PTPRK: variants seen among roughly 807,000 people sequenced by gnomAD.
PTPRK encodes the protein receptor-type tyrosine-protein phosphatase kappa.
A neutral mutation model predicts 178.0 loss-of-function variants in PTPRK; 75 were observed. The ratio of observed to expected loss-of-function variants is 0.42; its 90% confidence interval spans 0.35 to 0.51. The LOEUF (loss-of-function observed/expected upper bound fraction) is 0.51. Ranked by LOEUF, PTPRK falls within the 20% of genes least tolerant of loss-of-function variation. The probability of loss-of-function intolerance (pLI) is 0.02; values close to 1 mark genes in which losing one functional copy is unlikely to be tolerated. For missense variants in PTPRK, 1,441 were observed against 1,797.8 expected (o/e 0.80, Z 3.59); for synonymous variants, 637 against 620.6 (o/e 1.03, Z -0.39).
intron 14 of PTPRK, among the ~76,000 whole-genome samples, chr6:128,008,886 C>T (rs370858780): frequency 1.1e-4 from 17 of 151,116 alleles, no homozygotes; most frequent in South Asian, 4.2e-4. Context: ...CATTTAAATT[C>T]GGATATTAAT....
intron 3 of PTPRK, among the ~76,000 whole-genome samples, chr6:128,309,536 A>T (rs1050703472): frequency 5.3e-5 from 8 of 152,180 alleles, no homozygotes; most frequent in Non-Finnish European, 8.8e-5. Context: ...GGTAGCTGCT[A>T]CATAAAGCAG....
intron 5 of PTPRK, among the ~76,000 whole-genome samples, chr6:128,227,049 G>A (rs1417919452): frequency 6.6e-6 from 1 of 151,970 alleles, no homozygotes; most frequent in Non-Finnish European, 1.5e-5. Context: ...CAGCAGTAGA[G>A]GCATGTAAAA....
intron 7 of PTPRK, among the ~76,000 whole-genome samples, chr6:128,168,364 G>A (rs1431618793): frequency 6.6e-6 from 1 of 152,006 alleles, no homozygotes; most frequent in East Asian, 1.9e-4. Flanking sequence ...GCATTGAGGT[G>A]CTACAAAAAA....
intron 1 of PTPRK, among the ~76,000 whole-genome samples, chr6:128,406,167 T>G (rs777055592): frequency 6.6e-6 from 1 of 151,920 alleles, no homozygotes; most frequent in Non-Finnish European, 1.5e-5. Context: ...AGAGGCTGAT[T>G]ACTTGAGCCT....
intron 7 of PTPRK, among the ~76,000 whole-genome samples, chr6:128,173,988 T>G (rs1800680290): frequency 6.6e-6 from 1 of 152,012 alleles, no homozygotes; most frequent in Non-Finnish European, 1.5e-5. Flanking sequence ...AGAATTAAGA[T>G]GAACTGATGG....
chr6:128,362,272 A>G (rs1191730115), intron 2 of PTPRK, among the ~76,000 whole-genome samples: 1 of 152,058 alleles, frequency 6.6e-6, no homozygotes, highest in Admixed American at 6.6e-5. Flanking sequence ...CATATTTTTA[A>G]ACTCTCTTAC....
intron 13 of PTPRK, among the ~76,000 whole-genome samples, chr6:128,030,360 A>G (rs1464710347): frequency 6.6e-6 from 1 of 152,198 alleles, no homozygotes. Flanking sequence ...TTAAAAAAAT[A>G]TAAAGCAGCA....
At position 128,089,806 on chromosome 6, in the gene PTPRK, G is replaced by C; in HGVS notation, c.1349C>G (p.Pro450Arg). ...ADCLDMDPKA[P>R]QHVVNHLPPY... The stretch of plus-strand genomic sequence containing the variant: ...TGGCAGATGGTTCACAACATGCTGA[G>C]GGGCTTTGGGGTCCATGTCCAAACA... The change falls in exon 8 of 30, where the codon CCT (proline) becomes CGT (arginine). Residue 450 changes from proline to arginine, a missense_variant. By Grantham distance (103) the Pro-to-Arg change is moderately radical. Around this residue, in one of 4 missense-constraint regions of PTPRK, gnomAD observed 945 missense variants for 1,080.6 expected, o/e 0.87. Transcript: ENST00000368226. 1 of 1,613,984 alleles carries C rather than the reference G, an allele frequency of 6.2e-7. No homozygotes were observed. The highest frequency in any genetic ancestry group is 8.5e-7 in the Non-Finnish European group (1 of 1,179,854).
chr6:128,454,045 C>A (rs571316927), intron 1 of PTPRK, among the ~76,000 whole-genome samples: 1 of 152,206 alleles, frequency 6.6e-6, no homozygotes, highest in East Asian at 1.9e-4. Context: ...ATTTTGCAGC[C>A]CTTAATGGAA....
chr6:128,484,276 T>G lies in PTPRK; in HGVS notation c.100+35983A>C, dbSNP rs147069811. ...CCTATGTTTTCTCAAAAATATAGGT[T>G]TCAGTACCACCAACCCTTCTTTTTA... On this transcript the variant is annotated intron_variant, in intron 1 of 29. Transcript: ENST00000368226. 3.9e-4 allele frequency among the ~76,000 whole-genome samples: 60 copies of G among 152,280 alleles called. No individual in the cohort carries two copies. The East Asian group carries it at 0.011, about 27-fold the overall frequency.
chr6:128,491,822 CAA>C, intron 1 of PTPRK: 1 of 516,630 alleles, frequency 1.9e-6, no homozygotes, highest in Non-Finnish European at 3.9e-6. Context: ...ACAACAGCAG[CAA>C]AAGTTACCGA....
At chr6:128,354,495 A>C (rs1833700085) in intron 2 of PTPRK, among the ~76,000 whole-genome samples, 2 of 151,940 alleles carry the variant, frequency 1.3e-5, no homozygotes, top group Non-Finnish European at 2.9e-5. Context: ...TCGGCCTCCC[A>C]AAGTGCTGGG....
intron 5 of PTPRK, among the ~76,000 whole-genome samples, chr6:128,226,776 A>ATATATATATG: frequency 7.6e-6 from 1 of 130,848 alleles, no homozygotes; most frequent in African/African-American, 3.6e-5. Context: ...ATATATATAT[A>ATATATATATG]TATATATATA....
At chr6:128,117,923 A>T (rs1435258759) in intron 7 of PTPRK, among the ~76,000 whole-genome samples, 1 of 152,180 alleles carries the variant, frequency 6.6e-6, no homozygotes, top group Non-Finnish European at 1.5e-5. Context: ...TGTTGGGGTT[A>T]CAGGCTTCAG....
chr6:128,183,038 G>A (rs780971479), intron 7 of PTPRK, among the ~76,000 whole-genome samples: 1 of 152,154 alleles, frequency 6.6e-6, no homozygotes, highest in Non-Finnish European at 1.5e-5. Context: ...ATAAATGTAT[G>A]TATATGTAGA....
At chr6:128,319,090 T>A (rs1463832277) in intron 3 of PTPRK, among the ~76,000 whole-genome samples, 1 of 152,184 alleles carries the variant, frequency 6.6e-6, no homozygotes, top group Non-Finnish European at 1.5e-5. Flanking sequence ...AAAATTTACA[T>A]TTGCTGGCTC....
chr6:128,128,040 A>T (rs1318256186), intron 7 of PTPRK, among the ~76,000 whole-genome samples: 4 of 152,220 alleles, frequency 2.6e-5, no homozygotes, highest in Admixed American at 2.0e-4. Context: ...TGAGAAGTTA[A>T]GGCCAATATA....
intron 2 of PTPRK, among the ~76,000 whole-genome samples, chr6:128,393,826 A>T (rs988811389): frequency 1.1e-4 from 16 of 152,006 alleles, no homozygotes; most frequent in African/African-American, 3.9e-4. Context: ...ATTGGTTTTT[A>T]TTTTTTTCAA....
rs1773657229 is a variant in PTPRK at position 127,969,230 on chromosome 6, G to GT, written c.*996dup. 6.6e-6 allele frequency: 1 copy of GT among 152,178 alleles called. No individual in the cohort carries two copies. The highest frequency in any genetic ancestry group is 2.4e-5 in the African/African-American group (1 of 41,444). The allele number at this position is 152,178 out of a possible 1,614,324, so 9.4% of individuals were successfully genotyped here. A position where few individuals can be genotyped will look rare whatever the true frequency, so the allele number is the denominator to read the frequency against. ...AAAGGCTATGTTCAACATTGTGCAA[G>GT]TTGTCAGCAAGGCCTTTTAATGTGT... On this transcript the variant is annotated 3_prime_UTR_variant, in exon 30 of 30. Coordinates refer to ENST00000368226, the MANE Select transcript of PTPRK (RefSeq NM_002844.4).
Sources: gnomAD v4.1 joint callset for allele counts (sites outside exome capture counted in the v4.1 genomes callset) on GRCh38, gnomAD v4.1.1 for gene constraint, gnomAD v4.1.1 regional missense constraint, MANE v1.5 for transcripts, NCBI Gene and HGNC (gene_info 2026-07-23, HGNC 2026-07-21) for gene names.